SND1: variants seen among roughly 807,000 people sequenced by gnomAD.
SND1 encodes the protein staphylococcal nuclease and tudor domain containing 1.
A neutral mutation model predicts 121.7 loss-of-function variants in SND1; 38 were observed. That is an observed-to-expected ratio of 0.31 (90% CI 0.24 to 0.41). The LOEUF is 0.41. Among genes scored for constraint, SND1 ranks in the 10% least tolerant of loss-of-function variants. SND1 has a pLI of 1.00. For synonymous variants in SND1, 401 were observed against 447.4 expected, an observed-to-expected ratio of 0.90 and a Z score of 1.31; for missense variants, 868 against 1,184.6, an observed-to-expected ratio of 0.73 and a Z score of 3.92.
intron 3 of SND1, 83 bp from the exon 4 acceptor site, chr7:127,698,792 T>C: frequency 9.9e-7 from 1 of 1,011,298 alleles, no homozygotes; most frequent in Non-Finnish European, 1.6e-6. Context: ...AGGAGCTAAG[T>C]GTGAAAGTGG....
At chr7:128,059,113 G>T (rs1403927146) in intron 16 of SND1, among the ~76,000 whole-genome samples, 1 of 152,100 alleles carries the variant, frequency 6.6e-6, no homozygotes, top group East Asian at 1.9e-4. Flanking sequence ...TATTTCTAAA[G>T]TGTGACCCTA....
intron 16 of SND1, among the ~76,000 whole-genome samples, chr7:128,010,708 A>C (rs747217203): frequency 5.3e-5 from 8 of 152,236 alleles, no homozygotes; most frequent in Non-Finnish European, 7.3e-5. Context: ...AGAAGGCAAG[A>C]GGTTCCTTGG....
chr7:127,833,069 T>C (rs1798793126), intron 11 of SND1, among the ~76,000 whole-genome samples: 1 of 152,164 alleles, frequency 6.6e-6, no homozygotes, highest in Non-Finnish European at 1.5e-5. Flanking sequence ...GAGTGTTGAC[T>C]CTTTTCAGAA....
intron 16 of SND1, among the ~76,000 whole-genome samples, chr7:128,055,103 T>G (rs1036823721): frequency 6.6e-6 from 1 of 152,098 alleles, no homozygotes; most frequent in Non-Finnish European, 1.5e-5. Context: ...AACTTCGTGG[T>G]TTTGTTTTGT....
Position 128,013,255 on chromosome 7 carries a change from T to C in SND1, c.1779+22199T>C, listed in dbSNP as rs568527019. Reference sequence around the variant, plus strand: ...CTCTCCAGAGTGCTCCCCCTTTATATACCTCCACCTTCCCACTCTTAGACC... The same window carrying C: ...CTCTCCAGAGTGCTCCCCCTTTATACACCTCCACCTTCCCACTCTTAGACC... On this transcript the variant is annotated intron_variant, in intron 16 of 23. Coordinates refer to ENST00000354725, the MANE Select transcript of SND1 (RefSeq NM_014390.4). Among the ~76,000 whole-genome samples, 6 of 152,278 alleles carry C rather than the reference T, an allele frequency of 3.9e-5. No homozygotes were observed. The East Asian group carries it at 1.2e-3, about 29-fold the overall frequency.
intron 5 of SND1, among the ~76,000 whole-genome samples, chr7:127,701,811 A>G (rs1796109651): frequency 6.6e-6 from 1 of 152,184 alleles, no homozygotes; most frequent in Admixed American, 6.5e-5. Flanking sequence ...ATCCTCTCAT[A>G]TACTTTAAAT....
intron 16 of SND1, among the ~76,000 whole-genome samples, chr7:128,058,213 T>C (rs1793173665): frequency 6.6e-6 from 1 of 152,258 alleles, no homozygotes; most frequent in Admixed American, 6.5e-5. Context: ...GCTCAGTCAC[T>C]CTGTGACCTA....
intron 14 of SND1, among the ~76,000 whole-genome samples, chr7:127,921,715 A>C (rs1452258335): frequency 6.6e-6 from 1 of 152,162 alleles, no homozygotes; most frequent in African/African-American, 2.4e-5. Context: ...CCATTGTCCC[A>C]ATTCCTCCAT....
At chr7:127,813,787 T>C (rs965703476) in intron 11 of SND1, among the ~76,000 whole-genome samples, 2 of 152,212 alleles carry the variant, frequency 1.3e-5, no homozygotes, top group Admixed American at 6.5e-5. Context: ...GGTCTCAAAC[T>C]CCTGACCTCA....
rs190948524 is a variant in SND1 at position 127,811,013 on chromosome 7, C to T, written c.1242+3440C>T. ...GCTGACAGTAGATGCTCATTGTAAA[C>T]TGTTCTATCATCAGAGACTGTCCTG... On this transcript the variant is annotated intron_variant, in intron 11 of 23. Coordinates refer to ENST00000354725, the MANE Select transcript of SND1 (RefSeq NM_014390.4). Among the ~76,000 whole-genome samples the T allele has an allele frequency of 2.6e-5, 4 of 151,358 alleles. No individual in the cohort carries two copies. In the East Asian group the frequency reaches 7.8e-4, roughly 29 times the overall value.
intron 8 of SND1, among the ~76,000 whole-genome samples, chr7:127,706,159 A>G (rs1418798818): frequency 6.6e-6 from 1 of 151,640 alleles, no homozygotes; most frequent in Non-Finnish European, 1.5e-5. Flanking sequence ...ACAATGCTCA[A>G]TTTCTGTTTT....
intron 12 of SND1, among the ~76,000 whole-genome samples, chr7:127,846,150 A>G (rs1389310925): frequency 6.6e-6 from 1 of 152,214 alleles, no homozygotes; most frequent in African/African-American, 2.4e-5. Context: ...GTTGGTCTTA[A>G]TTGACAACCT....
At chr7:127,991,256 C>G (rs1185399350) in intron 16 of SND1, among the ~76,000 whole-genome samples, 200 bp downstream of exon 16, 1 of 152,240 alleles carries the variant, frequency 6.6e-6, no homozygotes, top group Non-Finnish European at 1.5e-5. Context: ...CTCCCCTCCA[C>G]TGGTGGCCTG....
At position 127,953,212 on chromosome 7, in the gene SND1, GTGTGTGTGTA is replaced by G. The variant is rs1226566119; in HGVS notation, c.1669+23887_1669+23896del. On this transcript the variant is annotated intron_variant, in intron 15 of 23. Coordinates refer to ENST00000354725, the MANE Select transcript of SND1 (RefSeq NM_014390.4). ...TGTGTGTGTGTGTGTGTGTGTGTGT[GTGTGTGTGTA>G]TGTATGAAAAGAAGAAAGCATCTGT... 3.0e-3 allele frequency among the ~76,000 whole-genome samples: 202 copies of G among 66,254 alleles called. 4 individuals are homozygous for G. The highest frequency in any genetic ancestry group is 8.3e-3 in the Middle Eastern group (1 of 120). The allele number at this position is 66,254 out of a possible 152,430, so 43.5% of individuals were successfully genotyped here. A position where few individuals can be genotyped will look rare whatever the true frequency, so the allele number is the denominator to read the frequency against.
intron 10 of SND1, among the ~76,000 whole-genome samples, chr7:127,755,975 T>C (rs1177262141): frequency 6.6e-6 from 1 of 152,202 alleles, no homozygotes; most frequent in East Asian, 1.9e-4. Flanking sequence ...TAAACAATGT[T>C]TAGTGTTTCC....
At chr7:127,774,739 C>T (rs934130172) in intron 10 of SND1, among the ~76,000 whole-genome samples, 5 of 152,052 alleles carry the variant, frequency 3.3e-5, no homozygotes, top group African/African-American at 4.8e-5. Flanking sequence ...CCACCATGCC[C>T]GGCTAATTTT....
At chr7:127,691,944 C>T (rs955395486) in intron 2 of SND1, among the ~76,000 whole-genome samples, 16 of 151,816 alleles carry the variant, frequency 1.1e-4, no homozygotes, top group Admixed American at 2.0e-4. Context: ...ATTACAGGCC[C>T]GGCCATATTT....
Position 127,686,687 on chromosome 7 carries a change from C to T in SND1, c.153C>T (p.Leu51=), listed in dbSNP as rs375191303. The T allele has an allele frequency of 6.2e-7, 1 of 1,614,180 alleles. No homozygotes were observed. Among genetic ancestry groups the T allele is most frequent in the Non-Finnish European group, 8.5e-7 (1 of 1,180,024 alleles). The change falls in exon 2 of 24, where the codon CTC becomes CTT. Residue 51 remains leucine (L), a synonymous_variant. Transcript: ENST00000354725. ...GGPPPERQIN[L]SNIRAGNLAR... ...CTCCTCCTGAGCGGCAGATCAACCT[C>T]AGCAACATTCGTGCTGGAAATCTTG...
chr7:128,092,084 C>A lies in SND1; in HGVS notation c.*26C>A. On this transcript the variant is annotated 3_prime_UTR_variant, in exon 24 of 24. Coordinates refer to ENST00000354725, the MANE Select transcript of SND1 (RefSeq NM_014390.4). This position sits in a 1 kb window ranked among gnomAD's most constrained non-coding sequence, Gnocchi z 4.9. ...GGAGGGGATCGGGTTTGGCCCCCAG[C>A]CCCGCTCACGCCAGTCCCTCTTCCT... 1 of 1,612,546 alleles carries A rather than the reference C, an allele frequency of 6.2e-7. No homozygotes were observed. The highest frequency in any genetic ancestry group is 8.5e-7 in the Non-Finnish European group (1 of 1,178,598).
Sources: gnomAD v4.1 joint callset for allele counts (sites outside exome capture counted in the v4.1 genomes callset) on GRCh38, gnomAD v4.1.1 for gene constraint, Gnocchi (gnomAD v3.1) non-coding constraint, MANE v1.5 for transcripts, NCBI Gene and HGNC (gene_info 2026-07-23, HGNC 2026-07-21) for gene names.